Variants in KLHL22 observed in about 807,000 individuals in gnomAD.
KLHL22 encodes kelch-like protein 22.
A neutral mutation model predicts 60.7 loss-of-function variants in KLHL22; 18 were observed. The observed-to-expected ratio is 0.30, with a 90% CI of 0.20 to 0.44. The LOEUF is 0.44. Ranked by LOEUF, KLHL22 falls within the 20% of genes least tolerant of loss-of-function variation. KLHL22 has a pLI of 1.00. For synonymous variants in KLHL22, 355 were observed against 354.5 expected (o/e 1.00, Z -0.01); for missense variants, 596 against 852.3 (o/e 0.70, Z 3.74).
intron 5 of KLHL22, chr22:20,450,580 G>A: frequency 1.9e-6 from 3 of 1,610,526 alleles, no homozygotes; most frequent in Non-Finnish European, 2.5e-6. Context: ...ACAAGCAGCT[G>A]AGGTTTTTAG....
chr22:20,446,329 C>T (rs2052859961), intron 6 of KLHL22, 114 bp downstream of exon 6: 4 of 722,648 alleles, frequency 5.5e-6, no homozygotes, highest in Non-Finnish European at 2.4e-6. Context: ...CCTAAAACTG[C>T]TCTAAAAAAT....
Position 20,442,166 on chromosome 22 carries a change from C to T in KLHL22, c.1812G>A (p.Gly604=). 1.3e-6 allele frequency: 2 copies of T among 1,556,350 alleles called. No homozygotes were observed. Among genetic ancestry groups the T allele is most frequent in the Non-Finnish European group, 1.7e-6 (2 of 1,149,762 alleles). Residue 604 remains glycine (G), a synonymous_variant, in exon 7 of 7, where the codon GGG becomes GGA. Transcript: ENST00000328879. Reference sequence around the variant, plus strand: ...GGTCGGCCTGGCTGCGGTCAGGGGTCCCGCGGGGCGGCTCAAGGAGCAGGG... The same window carrying T: ...GGTCGGCCTGGCTGCGGTCAGGGGTTCCGCGGGGCGGCTCAAGGAGCAGGG... The part of the protein sequence containing the change: ...PRSLLLEPPR[G]TPDRSQADPD...
chr22:20,478,393 T>C (rs1401395285), intron 2 of KLHL22, among the ~76,000 whole-genome samples: 1 of 150,796 alleles, frequency 6.6e-6, no homozygotes, highest in Non-Finnish European at 1.5e-5. Flanking sequence ...TTAGAAGAGA[T>C]GGGGTTTCTC....
intron 2 of KLHL22, among the ~76,000 whole-genome samples, chr22:20,485,454 C>A (rs954656807): frequency 2.0e-5 from 3 of 152,224 alleles, no homozygotes; most frequent in African/African-American, 4.8e-5. Context: ...CAGCTCTCTG[C>A]CCTTCAGGAA....
At chr22:20,484,225 T>C in intron 2 of KLHL22, 1 of 420,794 alleles carries the variant, frequency 2.4e-6, no homozygotes, top group Non-Finnish European at 4.6e-6. Context: ...ACTCTGGACC[T>C]CAGGTGATCC....
chr22:20,455,147 T>C (rs2053043155), intron 5 of KLHL22, among the ~76,000 whole-genome samples: 1 of 152,156 alleles, frequency 6.6e-6, no homozygotes, highest in Non-Finnish European at 1.5e-5. Context: ...CCTCCCAAAG[T>C]GCTGGGATTA....
chr22:20,465,262 C>A lies in KLHL22; in HGVS notation c.708G>T (p.Glu236Asp). The A allele has an allele frequency of 1.9e-6, 3 of 1,613,954 alleles. No homozygotes were observed. Among genetic ancestry groups the A allele is most frequent in the Non-Finnish European group, 2.5e-6 (3 of 1,179,996 alleles). Reference protein sequence around the residue: ...QVQADQISLHEPPKLLETVRF... With the variant: ...QVQADQISLHDPPKLLETVRF... The stretch of plus-strand genomic sequence containing the variant: ...GCACTGTCTCAAGGAGCTTTGGGGG[C>A]TCGTGCAGCGAGATCTGGTCAGCCT... The change falls in exon 4 of 7, where the codon GAG (glutamate) becomes GAT (aspartate). Residue 236 changes from glutamate to aspartate, a missense_variant. By Grantham distance (45) the Glu-to-Asp change is conservative. Transcript: ENST00000328879. This position sits in a 1 kb window ranked among gnomAD's most constrained non-coding sequence, Gnocchi z 4.9.
At chr22:20,443,480 C>T (rs1188161627) in intron 6 of KLHL22, among the ~76,000 whole-genome samples, 2 of 152,204 alleles carry the variant, frequency 1.3e-5, no homozygotes, top group African/African-American at 4.8e-5. Context: ...GTGGCTCACG[C>T]CTGTAATCCC....
At chr22:20,478,761 G>A (rs932808589) in intron 2 of KLHL22, among the ~76,000 whole-genome samples, 94 of 146,014 alleles carry the variant, frequency 6.4e-4, no homozygotes, top group African/African-American at 2.3e-3. Context: ...TGATCCTCCC[G>A]CCTCGGCCTC....
At chr22:20,442,715 T>G (rs1028548383) in intron 6 of KLHL22, among the ~76,000 whole-genome samples, 1 of 152,216 alleles carries the variant, frequency 6.6e-6, no homozygotes, top group African/African-American at 2.4e-5. Flanking sequence ...CAGCCCTTCC[T>G]CTAGGCCACC....
Position 20,483,394 on chromosome 22 carries a change from T to G in KLHL22, c.227+5591A>C. The stretch of plus-strand genomic sequence containing the variant: ...GGCAAGGTCCTGAGATTTGGGGGCA[T>G]CTACCTCCACAGTCAACCCAGAGCT... On this transcript the variant is annotated intron_variant, in intron 2 of 6. Coordinates refer to ENST00000328879, the MANE Select transcript of KLHL22 (RefSeq NM_032775.4). 3.7e-6 allele frequency: 3 copies of G among 814,164 alleles called. 1 individual carries two copies. In the South Asian group the frequency reaches 4.0e-5, roughly 11 times the overall value. 50.4% of individuals were successfully genotyped at this position (814,164 alleles called of 1,614,324 possible).
intron 2 of KLHL22, among the ~76,000 whole-genome samples, chr22:20,481,624 T>C (rs1043591392): frequency 1.3e-5 from 2 of 152,194 alleles, no homozygotes; most frequent in African/African-American, 4.8e-5. Context: ...AAACGGAGTC[T>C]TGCTCTGTCG....
chr22:20,459,116 G>C (rs2053114356), intron 4 of KLHL22, among the ~76,000 whole-genome samples: 1 of 152,250 alleles, frequency 6.6e-6, no homozygotes, highest in Non-Finnish European at 1.5e-5. Context: ...AGTATCTGAA[G>C]TGTCCTTGCC....
At chr22:20,463,244 T>C (rs2053182972) in intron 4 of KLHL22, among the ~76,000 whole-genome samples, 1 of 152,200 alleles carries the variant, frequency 6.6e-6, no homozygotes, top group Non-Finnish European at 1.5e-5. Flanking sequence ...ATTGTGATCC[T>C]ACTCTCAGAC....
chr22:20,451,419 T>C lies in KLHL22; in HGVS notation c.1306-4743A>G, dbSNP rs538725044. On this transcript the variant is annotated intron_variant, in intron 5 of 6. Transcript: ENST00000328879. ...GAGTGATCCACTGTCTAGGAGGATATGACGGCTTGAATATCTTAAATTCAG... is the reference window on the plus strand; with the variant it reads ...GAGTGATCCACTGTCTAGGAGGATACGACGGCTTGAATATCTTAAATTCAG... 2.7e-4 allele frequency: 435 copies of C among 1,608,512 alleles called. No homozygotes were observed. The African/African-American group carries it at 5.2e-3, about 19-fold the overall frequency.
In KLHL22 at chr22:20,483,737, T is replaced by G. The variant is rs2053542276; in HGVS notation, c.227+5248A>C. 6 of 736,492 alleles carry G rather than the reference T, an allele frequency of 8.1e-6. No individual in the cohort carries two copies. The Admixed American group carries it at 1.0e-4, about 13-fold the overall frequency. The allele number at this position is 736,492 out of a possible 1,614,324, so 45.6% of individuals were successfully genotyped here. A position where few individuals can be genotyped will look rare whatever the true frequency, so the allele number is the denominator to read the frequency against. ...GTCTTGAAGTAATGCCTCCAGTCTC[T>G]GATCTGGGTCCCTTCTTCTCCAAGT... On this transcript the variant is annotated intron_variant, in intron 2 of 6. Transcript: ENST00000328879.
Position 20,493,377 on chromosome 22 carries a change from T to C in KLHL22, c.-34+2383A>G, listed in dbSNP as rs567075651. The stretch of plus-strand genomic sequence containing the variant: ...AAGGAGCACAGCACAGGGTGCAACA[T>C]TTAAAACATTTAAAACCACATCTAT... On this transcript the variant is annotated intron_variant, in intron 1 of 6. Coordinates refer to ENST00000328879, the MANE Select transcript of KLHL22 (RefSeq NM_032775.4). Among the ~76,000 whole-genome samples the C allele has an allele frequency of 1.8e-4, 27 of 152,282 alleles. No homozygotes were observed. In the South Asian group the frequency reaches 5.6e-3, roughly 32 times the overall value.
chr22:20,450,704 T>G, intron 5 of KLHL22: 1 of 1,415,312 alleles, frequency 7.1e-7, no homozygotes, highest in Non-Finnish European at 1.0e-6. Context: ...GAAGAACCAG[T>G]CTTTGAGGCT....
At chr22:20,477,063 C>A (rs2053427503) in intron 2 of KLHL22, among the ~76,000 whole-genome samples, 1 of 151,788 alleles carries the variant, frequency 6.6e-6, no homozygotes, top group Admixed American at 6.6e-5. Context: ...TTTCGGGGGC[C>A]AAGGCAGGAA....
Sources: gnomAD v4.1 joint callset for allele counts (sites outside exome capture counted in the v4.1 genomes callset) on GRCh38, gnomAD v4.1.1 for gene constraint, Gnocchi (gnomAD v3.1) non-coding constraint, MANE v1.5 for transcripts, NCBI Gene and HGNC (gene_info 2026-07-23, HGNC 2026-07-21) for gene names.